Variants in VPS52 observed in about 807,000 individuals in gnomAD.
VPS52 encodes the protein VPS52 subunit of GARP complex.
In VPS52, 56 loss-of-function variants were observed where a neutral mutation model predicts 98.7. The ratio of observed to expected loss-of-function variants is 0.57; its 90% confidence interval spans 0.46 to 0.71. The LOEUF (loss-of-function observed/expected upper bound fraction) is 0.71, where lower values mean the gene tolerates loss of function less well. Ranked by LOEUF, VPS52 falls within the 30% of genes least tolerant of loss-of-function variation. VPS52 has a pLI of 0.00. For synonymous variants in VPS52, 348 were observed against 346.4 expected, an observed-to-expected ratio of 1.00 and a Z score of -0.05; for missense variants, 742 against 925.9, an observed-to-expected ratio of 0.80 and a Z score of 2.58.
Position 33,251,980 on chromosome 6 carries a change from AC to A in VPS52, c.1795-10del. The A allele has an allele frequency of 6.2e-7, 1 of 1,611,122 alleles. No homozygotes were observed. Among genetic ancestry groups the A allele is most frequent in the Non-Finnish European group, 8.5e-7 (1 of 1,178,312 alleles). On this transcript the variant is annotated splice_polypyrimidine_tract_variant and intron_variant, in intron 17 of 19. Transcript: ENST00000445902. Reference sequence around the variant, plus strand: ...AACTCTTCAATGAATTCCTGGAAAGACACAAACACATATACACAGGTGTCCT... The same window carrying A: ...AACTCTTCAATGAATTCCTGGAAAGAACAAACACATATACACAGGTGTCCT...
Position 33,267,615 on chromosome 6 carries a change from G to C in VPS52, c.991+67C>G. The C allele has an allele frequency of 3.2e-6, 5 of 1,569,772 alleles. No homozygotes were observed. Among genetic ancestry groups the C allele is most frequent in the Non-Finnish European group, 4.4e-6 (5 of 1,142,734 alleles). On this transcript the variant is annotated intron_variant, in intron 10 of 19. Transcript: ENST00000445902. This position sits in a 1 kb window ranked among gnomAD's most constrained non-coding sequence, Gnocchi z 4.2. Reference sequence around the variant, plus strand: ...AGGAAAAGGTAAGGAGCAGTGCATTGGTGGCTGGAGTCGAAAGTCCTCCCA... The same window carrying C: ...AGGAAAAGGTAAGGAGCAGTGCATTCGTGGCTGGAGTCGAAAGTCCTCCCA...
At chr6:33,265,380 C>T (rs113961009) in intron 12 of VPS52, among the ~76,000 whole-genome samples, 16 of 151,884 alleles carry the variant, frequency 1.1e-4, no homozygotes, top group African/African-American at 2.9e-4. Context: ...CCGGTGTTTT[C>T]GGCTTTAGAG....
intron 12 of VPS52, among the ~76,000 whole-genome samples, chr6:33,265,604 TCAAG>T (rs1431030146): frequency 2.0e-5 from 3 of 152,156 alleles, no homozygotes; most frequent in African/African-American, 7.2e-5. Context: ...ACTCCTGGCC[TCAAG>T]CAACCTTCCT....
At chr6:33,252,783 A>C (rs1346888951) in intron 17 of VPS52, among the ~76,000 whole-genome samples, 1 of 152,170 alleles carries the variant, frequency 6.6e-6, no homozygotes, top group African/African-American at 2.4e-5. Flanking sequence ...CAGACAGAAG[A>C]TGGAAAATTT....
Position 33,271,819 on chromosome 6 carries a change from C to G in VPS52, c.-144G>C. ...TTGTTTGACTCCAGCTGTCCCCTTT[C>G]AGCTCTAACCACTTCACCCAACTGC... On this transcript the variant is annotated 5_prime_UTR_variant, in exon 1 of 20. Coordinates refer to ENST00000445902, the MANE Select transcript of VPS52 (RefSeq NM_022553.6). 2 of 1,436,938 alleles carry G rather than the reference C, an allele frequency of 1.4e-6. No individual in the cohort carries two copies. Among genetic ancestry groups the G allele is most frequent in the Non-Finnish European group, 1.8e-6 (2 of 1,093,452 alleles). The allele number at this position is 1,436,938 out of a possible 1,614,324, so 89.0% of individuals were successfully genotyped here.
Position 33,257,846 on chromosome 6 carries a change from AAAC to A in VPS52, c.1794+5635_1794+5637del, listed in dbSNP as rs200009052. On this transcript the variant is annotated intron_variant, in intron 17 of 19. Transcript: ENST00000445902. ...AACATAGTGAGACTCTGTCTCTACA[AAAC>A]AACAACAACAACAAAAATTAGCTGG... 4.5e-4 allele frequency among the ~76,000 whole-genome samples: 69 copies of A among 152,180 alleles called. 1 individual carries two copies. The East Asian group carries it at 7.6e-3, about 17-fold the overall frequency.
intron 17 of VPS52, among the ~76,000 whole-genome samples, chr6:33,253,737 C>T (rs928250709): frequency 2.0e-5 from 3 of 150,790 alleles, no homozygotes; most frequent in South Asian, 2.1e-4. Context: ...CTGGGCACTA[C>T]AGCAAGGCCC....
Position 33,268,407 on chromosome 6 carries a change from G to A in VPS52, c.699+92C>T. 1 of 1,489,554 alleles carries A rather than the reference G, an allele frequency of 6.7e-7. No homozygotes were observed. The highest frequency in any genetic ancestry group is 9.1e-7 in the Non-Finnish European group (1 of 1,102,906). The allele number at this position is 1,489,554 out of a possible 1,614,324, so 92.3% of individuals were successfully genotyped here. ...AGGCAGGGTGAAGTCCCTGGAGACA[G>A]GCTACAGTGAGCTCTGCCAAGGAAA... On this transcript the variant is annotated intron_variant, in intron 7 of 19. Coordinates refer to ENST00000445902, the MANE Select transcript of VPS52 (RefSeq NM_022553.6). This position sits in a 1 kb window ranked among gnomAD's most constrained non-coding sequence, Gnocchi z 4.0.
rs770786204 is a variant in VPS52, at chr6:33,267,989, TAGA to T, written c.806_808del (p.Phe269del). On this transcript the variant is annotated inframe_deletion, in exon 9 of 20. Coordinates refer to ENST00000445902, the MANE Select transcript of VPS52 (RefSeq NM_022553.6). The surrounding 1 kb of genome is among the most constrained non-coding windows in gnomAD (Gnocchi z 4.2). ...TCGTTCATTGCCCAGCAGAAACTGA[TAGA>T]AGAACCTAGGGGGTCAGGAACATGT... 1.2e-6 allele frequency: 2 copies of T among 1,613,024 alleles called. No individual in the cohort carries two copies. Among genetic ancestry groups the T allele is most frequent in the African/African-American group, 2.7e-5 (2 of 75,018 alleles).
Position 33,267,827 on chromosome 6 carries a change from T to G in VPS52, c.933+38A>C. The G allele has an allele frequency of 3.7e-6, 6 of 1,612,970 alleles. No homozygotes were observed. The highest frequency in any genetic ancestry group is 5.1e-6 in the Non-Finnish European group (6 of 1,179,960). On this transcript the variant is annotated intron_variant, in intron 9 of 19. Transcript: ENST00000445902. This position sits in a 1 kb window ranked among gnomAD's most constrained non-coding sequence, Gnocchi z 4.2. ...GCCCAGGGATGTCCCCTCCTCCCAG[T>G]CCATGTGCCCAGGAATACCTCTCCC... is the stretch of plus-strand genomic sequence containing the variant.
chr6:33,264,935 A>C (rs775365218), intron 12 of VPS52, 35 bp from the exon 13 acceptor site: 17 of 1,560,206 alleles, frequency 1.1e-5, no homozygotes, highest in Non-Finnish European at 1.5e-5. Context: ...GGATTAAAAG[A>C]GAATGTCAGT....
chr6:33,251,703 C>T (rs1762265698), intron 18 of VPS52, 67 bp from the exon 19 acceptor site: 3 of 1,440,272 alleles, frequency 2.1e-6, no homozygotes, highest in Admixed American at 1.7e-5. Flanking sequence ...AAGTTCTCCC[C>T]AAGGTATAGC....
chr6:33,253,510 AAT>A (rs1554255245), intron 17 of VPS52, among the ~76,000 whole-genome samples: 17 of 151,994 alleles, frequency 1.1e-4, no homozygotes, highest in Non-Finnish European at 2.5e-4. Flanking sequence ...AAAAAAAAAA[AAT>A]CACTTATGAA....
intron 17 of VPS52, among the ~76,000 whole-genome samples, chr6:33,258,113 C>T (rs1014296465): frequency 4.6e-5 from 7 of 151,984 alleles, no homozygotes; most frequent in African/African-American, 7.2e-5. Flanking sequence ...AAAGGCTGGA[C>T]GCGGTGGCTC....
Position 33,263,750 on chromosome 6 carries a change from AAGG to A in VPS52, c.1728+19_1728+21del. On this transcript the variant is annotated intron_variant, in intron 16 of 19. Coordinates refer to ENST00000445902, the MANE Select transcript of VPS52 (RefSeq NM_022553.6). ...AACCGAATTTTCTGGGTAGGAAGGC[AAGG>A]AGAAGGAGCACCTATTACCATCAGC... 6.2e-7 allele frequency: 1 copy of A among 1,613,880 alleles called. No homozygotes were observed. The highest frequency in any genetic ancestry group is 1.1e-5 in the South Asian group (1 of 91,082).
chr6:33,264,260 A>G, intron 14 of VPS52, 114 bp downstream of exon 14: 1 of 1,566,538 alleles, frequency 6.4e-7, no homozygotes, highest in South Asian at 1.2e-5. Flanking sequence ...CCACCCTCCC[A>G]GAACACCTGC....
At chr6:33,256,066 C>T (rs1762907783) in intron 17 of VPS52, among the ~76,000 whole-genome samples, 1 of 151,946 alleles carries the variant, frequency 6.6e-6, no homozygotes, top group African/African-American at 2.4e-5. Flanking sequence ...ATGTTAAAGA[C>T]AAAAAACTAG....
Position 33,268,900 on chromosome 6 carries a change from A to G in VPS52, c.548+114T>C. The G allele has an allele frequency of 7.1e-7, 1 of 1,399,584 alleles. No homozygotes were observed. Among genetic ancestry groups the G allele is most frequent in the Non-Finnish European group, 9.7e-7 (1 of 1,030,664 alleles). The allele number at this position is 1,399,584 out of a possible 1,614,324, so 86.7% of individuals were successfully genotyped here. On this transcript the variant is annotated intron_variant, in intron 6 of 19. Transcript: ENST00000445902. This position sits in a 1 kb window ranked among gnomAD's most constrained non-coding sequence, Gnocchi z 4.0. ...AGAAATGGTGGTTAACCTGGCTACT[A>G]ATTTCTAAAAAGCACTTAACCTGGA...
intron 12 of VPS52, 66 bp from the exon 13 acceptor site, chr6:33,264,966 G>C: frequency 1.5e-6 from 2 of 1,367,656 alleles, no homozygotes; most frequent in Non-Finnish European, 2.1e-6. Context: ...CAGTGACTAT[G>C]AACAAACGCA....
Sources: allele counts gnomAD v4.1 joint callset (sites outside exome capture counted in the v4.1 genomes callset), GRCh38; gene constraint gnomAD v4.1.1; non-coding constraint Gnocchi (gnomAD v3.1); transcripts MANE v1.5; gene names NCBI Gene and HGNC (gene_info 2026-07-23, HGNC 2026-07-21).